Variants in UBR4 observed in about 807,000 individuals in gnomAD.
The protein encoded by UBR4 is ubiquitin protein ligase E3 component n-recognin 4.
Under a neutral mutation model 575.6 loss-of-function variants are expected in UBR4, and 124 were observed. That is an observed-to-expected ratio of 0.22 (90% CI 0.19 to 0.25). UBR4 has a LOEUF of 0.25. Among genes scored for constraint, UBR4 ranks in the 10% least tolerant of loss-of-function variants. The pLI is 1.00. For missense variants in UBR4, 4,818 were observed against 6,478.8 expected (o/e 0.74, Z 8.80); for synonymous variants, 2,455 against 2,473.7 (o/e 0.99, Z 0.22).
chr1:19,186,927 G>A (rs190348673), intron 13 of UBR4, among the ~76,000 whole-genome samples: 66 of 152,014 alleles, frequency 4.3e-4, no homozygotes, highest in African/African-American at 1.5e-3. Context: ...GTAGCCACGT[G>A]TATCACAAAA....
At position 19,191,691 on chromosome 1, in the gene UBR4, G is replaced by A. The variant is rs368724245; in HGVS notation, c.1394+497C>T. On this transcript the variant is annotated intron_variant, in intron 11 of 105. Coordinates refer to ENST00000375254, the MANE Select transcript of UBR4 (RefSeq NM_020765.3). ...TAGGGCCTAGTATATAATAGGGATTGAATGAAAAAATAAAATCCAGAAACA... is the reference window on the plus strand; with the variant it reads ...TAGGGCCTAGTATATAATAGGGATTAAATGAAAAAATAAAATCCAGAAACA... Among the ~76,000 whole-genome samples the A allele has an allele frequency of 2.6e-5, 4 of 152,234 alleles. No individual in the cohort carries two copies. In the East Asian group the frequency reaches 5.8e-4, roughly 22 times the overall value.
rs2080044465 is a variant in UBR4 at position 19,112,788 on chromosome 1, G to T, written c.11537C>A (p.Ser3846Tyr). 6.2e-7 allele frequency: 1 copy of T among 1,614,122 alleles called. No individual in the cohort carries two copies. The highest frequency in any genetic ancestry group is 1.3e-5 in the African/African-American group (1 of 74,954). The change falls in exon 78 of 106, where the codon TCC becomes TAC. Residue 3846 changes from serine (S) to tyrosine (Y), a missense_variant. Physicochemically the swap from Ser to Tyr is moderately radical, Grantham distance 144. Around this residue, in one of 29 missense-constraint regions of UBR4, gnomAD observed 333 missense variants for 459.2 expected, o/e 0.73. Coordinates refer to ENST00000375254, the MANE Select transcript of UBR4 (RefSeq NM_020765.3). ...GCTGGCAGTGAATGTGGGCTGCACG[G>T]AGGTCCGGGATGATTTAGTGGCTGC... Reference protein sequence around the residue: ...REAATKSSRTSVQPTFTASQY... With the variant: ...REAATKSSRTYVQPTFTASQY...
chr1:19,143,541 A>G (rs1417534825), intron 55 of UBR4, among the ~76,000 whole-genome samples: 2 of 152,212 alleles, frequency 1.3e-5, no homozygotes, highest in Admixed American at 1.3e-4. Context: ...AGGTAAGTCC[A>G]CTAAGGATTC....
intron 88 of UBR4, 127 bp downstream of exon 88, chr1:19,101,393 T>C: frequency 7.7e-6 from 10 of 1,302,968 alleles, no homozygotes; most frequent in Non-Finnish European, 1.0e-5. Flanking sequence ...TGGATCTTCT[T>C]TCACTAATGA....
chr1:19,087,851 T>C lies in UBR4; in HGVS notation c.14509A>G (p.Thr4837Ala), dbSNP rs763051664. ...TATCCCTCCCTGCAGATGCAGCACG[T>C]GAGGCCAGGCTCCTCGATCAGCTCT... is the stretch of plus-strand genomic sequence containing the variant. ...MEELIEEPGL[T>A]CCICREGYKF... is the part of the protein sequence containing the mutation. Residue 4837 changes from threonine (T) to alanine (A), a missense_variant, in exon 99 of 106, where the codon ACG (threonine) becomes GCG (alanine). This residue lies in a region of UBR4 where 196 missense variants were observed against 386.8 expected (regional missense o/e 0.51). Transcript: ENST00000375254. 1.9e-6 allele frequency: 3 copies of C among 1,611,430 alleles called. No homozygotes were observed. Among genetic ancestry groups the C allele is most frequent in the Non-Finnish European group, 2.5e-6 (3 of 1,178,758 alleles).
rs1369023144 is a variant in UBR4 at position 19,100,355 on chromosome 1, G to A, written c.13221+21C>T. 6 of 1,613,404 alleles carry A rather than the reference G, an allele frequency of 3.7e-6. No individual in the cohort carries two copies. Among genetic ancestry groups the A allele is most frequent in the Non-Finnish European group, 5.1e-6 (6 of 1,179,726 alleles). ...AAGCCCCTAATCGTAAACGTGGGCAGCACTGTCCTATGGTCATTACCTCCA... is the reference window on the plus strand; with the variant it reads ...AAGCCCCTAATCGTAAACGTGGGCAACACTGTCCTATGGTCATTACCTCCA... On this transcript the variant is annotated intron_variant, in intron 89 of 105. Coordinates refer to ENST00000375254, the MANE Select transcript of UBR4 (RefSeq NM_020765.3). This position sits in a 1 kb window ranked among gnomAD's most constrained non-coding sequence, Gnocchi z 4.2.
At position 19,088,709 on chromosome 1, in the gene UBR4, C is replaced by T; in HGVS notation, c.14430+50G>A. ...CCCAGGGCTGTCCCATGGCCACCTCCTCATCAACAGTGTGGGCAGAAATAT... is the reference window on the plus strand; with the variant it reads ...CCCAGGGCTGTCCCATGGCCACCTCTTCATCAACAGTGTGGGCAGAAATAT... On this transcript the variant is annotated intron_variant, in intron 98 of 105. Coordinates refer to ENST00000375254, the MANE Select transcript of UBR4 (RefSeq NM_020765.3). This position sits in a 1 kb window ranked among gnomAD's most constrained non-coding sequence, Gnocchi z 4.0. 1 of 1,597,096 alleles carries T rather than the reference C, an allele frequency of 6.3e-7. No individual in the cohort carries two copies. Among genetic ancestry groups the T allele is most frequent in the Non-Finnish European group, 8.6e-7 (1 of 1,166,994 alleles).
chr1:19,105,754 T>C lies in UBR4; in HGVS notation c.12482A>G (p.Gln4161Arg). 6.2e-7 allele frequency: 1 copy of C among 1,609,502 alleles called. No homozygotes were observed. The highest frequency in any genetic ancestry group is 2.2e-5 in the East Asian group (1 of 44,632). ...ALATIPSRKQ[Q>R]VLDLLTSYLD... Reference sequence around the variant, plus strand: ...GTACCTGGTAAGCAGGTCCAGGACCTGCTGCTTGCGGCTGGGAATGGTGGC... The same window carrying C: ...GTACCTGGTAAGCAGGTCCAGGACCCGCTGCTTGCGGCTGGGAATGGTGGC... The change falls in exon 84 of 106, where the codon CAG becomes CGG. Residue 4161 changes from glutamine (Q) to arginine (R), a missense_variant. Transcript: ENST00000375254.
At chr1:19,209,340 C>A (rs2093186321) in intron 1 of UBR4, among the ~76,000 whole-genome samples, 1 of 152,172 alleles carries the variant, frequency 6.6e-6, no homozygotes, top group South Asian at 2.1e-4. Flanking sequence ...CTGAGATCAC[C>A]ATCTTTGTAC....
Position 19,179,176 on chromosome 1 carries a change from G to T in UBR4, c.2229C>A (p.Gly743=), listed in dbSNP as rs779546925. The change falls in exon 18 of 106, where the codon GGC becomes GGA. Residue 743 remains glycine (G), a synonymous_variant. Coordinates refer to ENST00000375254, the MANE Select transcript of UBR4 (RefSeq NM_020765.3). ...GAGGGTGAATGTACAAGGGCCAAGGGCCCTCAGAAAAAGGAGCCACTCCTA... is the reference window on the plus strand; with the variant it reads ...GAGGGTGAATGTACAAGGGCCAAGGTCCCTCAGAAAAAGGAGCCACTCCTA... ...QQLGVAPFSE[G]PWPLYIHPQS... 5.6e-6 allele frequency: 9 copies of T among 1,593,184 alleles called. No individual in the cohort carries two copies. The Admixed American group carries it at 1.7e-4, about 31-fold the overall frequency.
At chr1:19,180,954 G>A (rs966136909) in intron 17 of UBR4, among the ~76,000 whole-genome samples, 1 of 152,154 alleles carries the variant, frequency 6.6e-6, no homozygotes, top group African/African-American at 2.4e-5. Flanking sequence ...TTCAGCCTCA[G>A]CCTTCAGCTA....
In UBR4 at chr1:19,121,323, A is replaced by C; in HGVS notation, c.10007T>G (p.Leu3336Arg). ...ALCGSKVLAA[L>R]AASSGSSSAS... ...ACTGGAGGATCCCGAAGAGGCTGCC[A>C]GTGCAGCGAGCACCTTGCTGCCGCA... The change falls in exon 68 of 106, where the codon CTG becomes CGG. Residue 3336 changes from leucine to arginine, a missense_variant. This residue lies in a region of UBR4 where 550 missense variants were observed against 791.5 expected (regional missense o/e 0.69). Transcript: ENST00000375254. 1 of 1,614,236 alleles carries C rather than the reference A, an allele frequency of 6.2e-7. No individual in the cohort carries two copies.
At chr1:19,094,176 A>G (rs1481814897) in intron 94 of UBR4, 37 bp from the exon 95 acceptor site, 4 of 1,559,762 alleles carry the variant, frequency 2.6e-6, no homozygotes, top group Admixed American at 1.8e-5. Flanking sequence ...CCATTAATGC[A>G]GTCAGGACTG....
intron 87 of UBR4, 76 bp downstream of exon 87, chr1:19,104,008 G>C (rs1197370824): frequency 6.5e-7 from 1 of 1,535,840 alleles, no homozygotes; most frequent in Non-Finnish European, 8.8e-7. Context: ...GTGGAACTGG[G>C]GGAAATTGGT....
At chr1:19,160,034 C>A in intron 39 of UBR4, 77 bp downstream of exon 39, 8 of 1,553,526 alleles carry the variant, frequency 5.1e-6, no homozygotes, top group South Asian at 1.2e-5. Flanking sequence ...CTCCTCAGAG[C>A]ATCTAGCACA....
Position 19,094,053 on chromosome 1 carries a change from A to G in UBR4, c.13833T>C (p.Ser4611=), listed in dbSNP as rs1339034538. The G allele has an allele frequency of 2.5e-6, 4 of 1,614,030 alleles. No homozygotes were observed. Among genetic ancestry groups the G allele is most frequent in the Middle Eastern group, 1.6e-4 (1 of 6,084 alleles). The change falls in exon 95 of 106, where the codon AGT becomes AGC. Residue 4611 remains serine, a synonymous_variant. Transcript: ENST00000375254. ...INSTFVRSNP[S]VLQGLLRIIP... is the part of the protein sequence containing the mutation. ...TGATGCGAAGCAGGCCCTGGAGCAC[A>G]CTGGGGTTGGAGCGAACAAAGGTGC...
chr1:19,206,977 G>A (rs2093042652), intron 1 of UBR4, among the ~76,000 whole-genome samples: 1 of 152,230 alleles, frequency 6.6e-6, no homozygotes, highest in African/African-American at 2.4e-5. Context: ...CAATGGTCAA[G>A]AGATAAATAC....
At chr1:19,080,602 G>A (rs1426610617) in intron 103 of UBR4, 1 of 152,170 alleles carries the variant, frequency 6.6e-6, no homozygotes. Context: ...TCACTCGAGG[G>A]ACAGAAGCAA....
rs1446130272 is a variant in UBR4 at position 19,077,697 on chromosome 1, C to T, written c.15324+279G>A. The T allele has an allele frequency of 1.3e-5, 16 of 1,262,054 alleles. No individual in the cohort carries two copies. In the African/African-American group the frequency reaches 1.5e-4, roughly 12 times the overall value. 78.2% of individuals were successfully genotyped at this position (1,262,054 alleles called of 1,614,324 possible). A position where few individuals can be genotyped will look rare whatever the true frequency, so the allele number is the denominator to read the frequency against. On this transcript the variant is annotated intron_variant, in intron 104 of 105. Transcript: ENST00000375254. ...GCAGTGAGCCGAGATCACGCCATTG[C>T]ACTCCAGCCTGGGCAACAAGAACAA...
Sources: gnomAD v4.1 joint callset for allele counts (sites outside exome capture counted in the v4.1 genomes callset) on GRCh38, gnomAD v4.1.1 for gene constraint, gnomAD v4.1.1 regional missense constraint, Gnocchi (gnomAD v3.1) non-coding constraint, MANE v1.5 for transcripts, NCBI Gene and HGNC (gene_info 2026-07-23, HGNC 2026-07-21) for gene names.